Variants in GLG1 observed in about 807,000 individuals in gnomAD.
GLG1 encodes Golgi apparatus protein 1.
A neutral mutation model predicts 160.5 loss-of-function variants in GLG1; 38 were observed. The ratio of observed to expected loss-of-function variants is 0.24; its 90% confidence interval spans 0.18 to 0.31. GLG1 has a LOEUF of 0.31. Among genes scored for constraint, GLG1 ranks in the 10% least tolerant of loss-of-function variants. The probability of loss-of-function intolerance (pLI) is 1.00; values close to 1 mark genes in which losing one functional copy is unlikely to be tolerated. For missense variants in GLG1, 1,373 were observed against 1,505.2 expected, an observed-to-expected ratio of 0.91 and a Z score of 1.45; for synonymous variants, 644 against 543.4, an observed-to-expected ratio of 1.19 and a Z score of -2.57.
At chr16:74,522,615 C>G (rs1165650338) in intron 2 of GLG1, among the ~76,000 whole-genome samples, 1 of 152,138 alleles carries the variant, frequency 6.6e-6, no homozygotes, top group Admixed American at 6.6e-5. Flanking sequence ...GATACACTGT[C>G]AGACGTATGT....
At chr16:74,477,982 A>AAATAAATAAATC (rs1229408492) in intron 11 of GLG1, among the ~76,000 whole-genome samples, 4 of 146,352 alleles carry the variant, frequency 2.7e-5, no homozygotes, top group Admixed American at 2.0e-4. Context: ...TCAAAAAAAT[A>AAATAAATAAATC]AATAAATAAA....
intron 1 of GLG1, among the ~76,000 whole-genome samples, chr16:74,597,594 C>G (rs1036259281): frequency 1.3e-5 from 2 of 152,248 alleles, no homozygotes; most frequent in South Asian, 4.1e-4. Context: ...TGGCTCACGC[C>G]TGTAATCCCA....
At chr16:74,523,452 A>T (rs1567501836) in intron 2 of GLG1, among the ~76,000 whole-genome samples, 1 of 152,128 alleles carries the variant, frequency 6.6e-6, no homozygotes. Flanking sequence ...TTCCACATAA[A>T]TTTTAAAATC....
At chr16:74,479,951 A>G (rs2015537380) in intron 11 of GLG1, among the ~76,000 whole-genome samples, 1 of 152,176 alleles carries the variant, frequency 6.6e-6, no homozygotes, top group Non-Finnish European at 1.5e-5. Flanking sequence ...AAGTTAGGAC[A>G]GCAGAATTTA....
intron 1 of GLG1, among the ~76,000 whole-genome samples, chr16:74,564,171 G>A (rs1040266742): frequency 1.4e-4 from 22 of 152,050 alleles, no homozygotes; most frequent in Non-Finnish European, 2.1e-4. Flanking sequence ...CTCCCGCTTC[G>A]GCCTTCCAAA....
intron 1 of GLG1, among the ~76,000 whole-genome samples, chr16:74,579,802 C>T (rs1354395809): frequency 3.3e-5 from 5 of 152,112 alleles, no homozygotes; most frequent in Non-Finnish European, 5.9e-5. Context: ...CAGTGGCTCA[C>T]GCCTGTAATC....
intron 1 of GLG1, among the ~76,000 whole-genome samples, chr16:74,556,717 G>T (rs890344536): frequency 6.7e-6 from 1 of 148,618 alleles, no homozygotes; most frequent in African/African-American, 2.5e-5. Flanking sequence ...ACATAATTTT[G>T]AGACAAGGTC....
chr16:74,495,206 T>C (rs1320310794), intron 5 of GLG1, among the ~76,000 whole-genome samples: 1 of 149,256 alleles, frequency 6.7e-6, no homozygotes, highest in East Asian at 2.0e-4. Flanking sequence ...CTCTGCCTCC[T>C]GGGTTCAAGC....
intron 1 of GLG1, among the ~76,000 whole-genome samples, chr16:74,581,289 T>C (rs1163117945): frequency 6.6e-6 from 1 of 152,142 alleles, no homozygotes; most frequent in Non-Finnish European, 1.5e-5. Flanking sequence ...AGTGTATACG[T>C]ATAATGGAAT....
At chr16:74,559,705 G>C (rs1458770419) in intron 1 of GLG1, among the ~76,000 whole-genome samples, 1 of 151,572 alleles carries the variant, frequency 6.6e-6, no homozygotes, top group African/African-American at 2.4e-5. Context: ...TTCCCACCGA[G>C]ATTACGTCTT....
intron 2 of GLG1, among the ~76,000 whole-genome samples, chr16:74,509,848 C>CAA (rs34364918): frequency 5.2e-5 from 6 of 114,724 alleles, no homozygotes; most frequent in East Asian, 2.7e-4. Flanking sequence ...GACTCTGTCT[C>CAA]AAAAAAAAAA....
chr16:74,477,306 G>A, intron 12 of GLG1, 90 bp downstream of exon 12: 1 of 983,132 alleles, frequency 1.0e-6, no homozygotes, highest in Non-Finnish European at 1.6e-6. Flanking sequence ...GGTAAAGAGA[G>A]ATGGATTTTA....
chr16:74,487,368 G>A (rs931075301), intron 8 of GLG1, among the ~76,000 whole-genome samples: 9 of 151,734 alleles, frequency 5.9e-5, no homozygotes, highest in African/African-American at 2.2e-4. Context: ...GCCTTCACTG[G>A]AGCACCTGTG....
At chr16:74,464,534 A>G (rs2014928700) in intron 19 of GLG1, among the ~76,000 whole-genome samples, 1 of 152,222 alleles carries the variant, frequency 6.6e-6, no homozygotes, top group African/African-American at 2.4e-5. Flanking sequence ...GAGACACTTG[A>G]GCACTGAGCC....
intron 2 of GLG1, among the ~76,000 whole-genome samples, chr16:74,513,435 T>C (rs1008892512): frequency 3.9e-5 from 6 of 152,038 alleles, no homozygotes; most frequent in Non-Finnish European, 7.4e-5. Context: ...GGGACGAAGC[T>C]TCCAGAGGAA....
chr16:74,472,296 T>C, intron 14 of GLG1, 53 bp downstream of exon 14: 3 of 1,167,046 alleles, frequency 2.6e-6, no homozygotes, highest in Non-Finnish European at 2.6e-6. Context: ...CAGGGGAGAG[T>C]CCCTGTCAAT....
chr16:74,487,628 C>A (rs2015839611), intron 8 of GLG1, among the ~76,000 whole-genome samples: 1 of 151,980 alleles, frequency 6.6e-6, no homozygotes, highest in Non-Finnish European at 1.5e-5. Flanking sequence ...TTACTTATGA[C>A]ATTTGTTGAC....
At chr16:74,483,782 C>T (rs1360004210) in intron 9 of GLG1, among the ~76,000 whole-genome samples, 17 of 152,012 alleles carry the variant, frequency 1.1e-4, no homozygotes, top group African/African-American at 3.6e-4. Context: ...CTCAGCCTCC[C>T]GAGTAGCTGG....
chr16:74,491,840 C>T (rs187646960), intron 7 of GLG1, among the ~76,000 whole-genome samples: 78 of 151,488 alleles, frequency 5.1e-4, no homozygotes, highest in Non-Finnish European at 6.8e-4. Context: ...GGGGTTTCAC[C>T]GTGGTCTCGA....
Sources: allele counts gnomAD v4.1 joint callset (sites outside exome capture counted in the v4.1 genomes callset), GRCh38; gene constraint gnomAD v4.1.1; transcripts MANE v1.5; gene names NCBI Gene and HGNC (gene_info 2026-07-23, HGNC 2026-07-21).